SEMA3D: variants seen among roughly 807,000 people sequenced by gnomAD.
SEMA3D encodes semaphorin 3D.
A neutral mutation model predicts 100.1 loss-of-function variants in SEMA3D; 84 were observed. The ratio of observed to expected loss-of-function variants is 0.84; its 90% CI spans 0.70 to 1.01. SEMA3D has a LOEUF of 1.01. Ranked by LOEUF, SEMA3D falls within the 50% of genes least tolerant of loss-of-function variation. The probability of loss-of-function intolerance (pLI) is 0.00; values close to 1 mark genes in which losing one functional copy is unlikely to be tolerated. For synonymous variants in SEMA3D, 312 were observed against 320.7 expected (o/e 0.97, Z 0.29); for missense variants, 875 against 934.1 (o/e 0.94, Z 0.82).
chr7:85,050,508 A>C (rs1456307877), intron 9 of SEMA3D: 1 of 326,146 alleles, frequency 3.1e-6, no homozygotes, highest in African/African-American at 2.1e-5. Flanking sequence ...TATAATTATA[A>C]ACATATTAAG....
At chr7:85,078,467 A>C (rs1787952407) in intron 5 of SEMA3D, among the ~76,000 whole-genome samples, 1 of 152,140 alleles carries the variant, frequency 6.6e-6, no homozygotes, top group Non-Finnish European at 1.5e-5. Context: ...GAGCTGACAA[A>C]CAGAGCCCAG....
In SEMA3D at chr7:84,996,190, A is replaced by C. The variant is rs1272242990; in HGVS notation, c.*3250T>G. 1 of 152,026 alleles carries C rather than the reference A, an allele frequency of 6.6e-6. No individual in the cohort carries two copies. The highest frequency in any genetic ancestry group is 1.5e-5 in the Non-Finnish European group (1 of 67,876). 9.4% of individuals were successfully genotyped at this position (152,026 alleles called of 1,614,324 possible). On this transcript the variant is annotated 3_prime_UTR_variant, in exon 19 of 19. Transcript: ENST00000284136. ...TTATTATTTTTTGGACAGCTGAATGATATCAAGTTGTTCTTGGAAATTCAA... is the reference window on the plus strand; with the variant it reads ...TTATTATTTTTTGGACAGCTGAATGCTATCAAGTTGTTCTTGGAAATTCAA...
At chr7:85,249,908 C>A in the SEMA3D span, among the ~76,000 whole-genome samples, 1 of 152,132 alleles carries the variant, frequency 6.6e-6, no homozygotes. Flanking sequence ...CAGCTCCCAG[C>A]GTGAGCGACG....
rs556549948 is a variant in SEMA3D, at chr7:85,068,388, T to G, written c.496-104A>C. 2.8e-5 allele frequency: 19 copies of G among 673,344 alleles called. No individual in the cohort carries two copies. In the South Asian group the frequency reaches 2.9e-4, roughly 10 times the overall value. 41.7% of individuals were successfully genotyped at this position (673,344 alleles called of 1,614,324 possible). ...TTCCAACTCATGAATTTGATAAAAC[T>G]AATTGAGCATATAGCATGTGCATAA... On this transcript the variant is annotated intron_variant, in intron 6 of 18. Transcript: ENST00000284136.
chr7:85,126,522 A>G (rs1223420521), intron 2 of SEMA3D, among the ~76,000 whole-genome samples: 1 of 151,860 alleles, frequency 6.6e-6, no homozygotes, highest in African/African-American at 2.4e-5. Flanking sequence ...TGGTACATAT[A>G]AGGTCACTTG....
intron 12 of SEMA3D, among the ~76,000 whole-genome samples, chr7:85,023,864 T>C (rs1451496829): frequency 6.6e-6 from 1 of 151,980 alleles, no homozygotes; most frequent in Non-Finnish European, 1.5e-5. Flanking sequence ...TGTTTTTCTA[T>C]AAATAATTTA....
intron 1 of SEMA3D, among the ~76,000 whole-genome samples, chr7:85,177,600 AGATT>A (rs1224057422): frequency 6.6e-6 from 1 of 152,192 alleles, no homozygotes. Context: ...TAAGTGCTTA[AGATT>A]GATTTATAGA....
At chr7:85,026,099 A>G (rs1277012697) in intron 12 of SEMA3D, among the ~76,000 whole-genome samples, 1 of 151,990 alleles carries the variant, frequency 6.6e-6, no homozygotes, top group Non-Finnish European at 1.5e-5. Flanking sequence ...GCCTACACAC[A>G]GTTAAAGGGA....
chr7:85,244,695 T>A, the SEMA3D span, among the ~76,000 whole-genome samples: 1 of 149,740 alleles, frequency 6.7e-6, no homozygotes, highest in Non-Finnish European at 1.5e-5. Context: ...AAATCCCGGA[T>A]GTACTGCACA....
intron 2 of SEMA3D, among the ~76,000 whole-genome samples, chr7:85,125,783 CGTGTGTGT>C (rs79570607): frequency 1.8e-5 from 2 of 113,808 alleles, no homozygotes; most frequent in African/African-American, 6.0e-5. Context: ...TTGCTGTCTT[CGTGTGTGT>C]GTGTGTGTGT....
chr7:85,032,200 G>A (rs1325769482), intron 12 of SEMA3D, among the ~76,000 whole-genome samples: 2 of 151,892 alleles, frequency 1.3e-5, no homozygotes, highest in Admixed American at 1.3e-4. Flanking sequence ...TACAGGCATA[G>A]TTTATCTGAT....
rs1790483739 is a variant in SEMA3D at position 85,029,452 on chromosome 7, C to T, written c.1192-6839G>A. 6.7e-6 allele frequency: 5 copies of T among 744,978 alleles called. No individual in the cohort carries two copies. In the South Asian group the frequency reaches 6.8e-5, roughly 10 times the overall value. The allele number at this position is 744,978 out of a possible 1,614,324, so 46.1% of individuals were successfully genotyped here. A position where few individuals can be genotyped will look rare whatever the true frequency, so the allele number is the denominator to read the frequency against. On this transcript the variant is annotated intron_variant, in intron 12 of 18. Coordinates refer to ENST00000284136, the MANE Select transcript of SEMA3D (RefSeq NM_001384900.1). ...ACTTCAAGTCAAGATTAACAATGAG[C>T]ACAAACAGAAGATTCTTAGCAAGTG...
At chr7:85,067,803 A>T (rs985755153) in intron 7 of SEMA3D, among the ~76,000 whole-genome samples, 3 of 152,176 alleles carry the variant, frequency 2.0e-5, no homozygotes, top group Non-Finnish European at 4.4e-5. Context: ...CTATAGCTTG[A>T]TTAATTTGGT....
intron 9 of SEMA3D, among the ~76,000 whole-genome samples, chr7:85,044,969 G>T (rs1349972899): frequency 6.6e-6 from 1 of 151,818 alleles, no homozygotes; most frequent in African/African-American, 2.4e-5. Context: ...ATGATTAATA[G>T]TTAATAAATA....
At chr7:85,120,112 C>A (rs1263366842) in intron 3 of SEMA3D, among the ~76,000 whole-genome samples, 2 of 151,952 alleles carry the variant, frequency 1.3e-5, no homozygotes, top group Admixed American at 6.6e-5. Flanking sequence ...TTATTTCTTT[C>A]ATCTTTGCTG....
chr7:85,250,022 G>C, the SEMA3D span, among the ~76,000 whole-genome samples: 1 of 152,092 alleles, frequency 6.6e-6, no homozygotes, highest in Non-Finnish European at 1.5e-5. Flanking sequence ...CACCGTGCAC[G>C]AGCCAAAGCA....
chr7:85,190,980 C>A (rs1791682718), upstream of SEMA3D, among the ~76,000 whole-genome samples: 1 of 151,866 alleles, frequency 6.6e-6, no homozygotes, highest in African/African-American at 2.4e-5. Context: ...GAATATTTCA[C>A]CCTGCTATAG....
chr7:85,250,062 C>G, the SEMA3D span, among the ~76,000 whole-genome samples: 1 of 152,142 alleles, frequency 6.6e-6, no homozygotes, highest in South Asian at 2.1e-4. Context: ...TTGGGAAGCA[C>G]AAGGGGTCAG....
the SEMA3D span, among the ~76,000 whole-genome samples, chr7:85,219,807 T>G: frequency 3.9e-5 from 6 of 152,078 alleles, no homozygotes; most frequent in Admixed American, 3.3e-4. Flanking sequence ...GCAATATGGT[T>G]TAACAATCTC....
Sources: allele counts gnomAD v4.1 joint callset (sites outside exome capture counted in the v4.1 genomes callset), GRCh38; gene constraint gnomAD v4.1.1; transcripts MANE v1.5; gene names NCBI Gene and HGNC (gene_info 2026-07-23, HGNC 2026-07-21).